Variants in ABCC11 observed in about 807,000 individuals in gnomAD.
ABCC11 encodes the protein ATP binding cassette subfamily C member 11, also known as ATP-binding cassette sub-family C member 11.
A neutral mutation model predicts 149.3 loss-of-function variants in ABCC11; 135 were observed. That is an observed-to-expected ratio of 0.90 (90% confidence interval 0.79 to 1.04). The LOEUF (loss-of-function observed/expected upper bound fraction) is 1.04. ABCC11 is among the 50% of genes least tolerant of loss of function. The pLI is 0.00. For missense variants in ABCC11, 1,680 were observed against 1,722.1 expected, an observed-to-expected ratio of 0.98 and a Z score of 0.43; for synonymous variants, 665 against 671.4, an observed-to-expected ratio of 0.99 and a Z score of 0.15.
intron 28 of ABCC11, among the ~76,000 whole-genome samples, chr16:48,168,953 A>T (rs997934160): frequency 1.3e-5 from 2 of 152,130 alleles, no homozygotes; most frequent in Non-Finnish European, 2.9e-5. Context: ...GGGTCTTAAA[A>T]CCTAGATGAT....
At chr16:48,235,872 T>C (rs931004042) in intron 1 of ABCC11, among the ~76,000 whole-genome samples, 1 of 152,170 alleles carries the variant, frequency 6.6e-6, no homozygotes, top group Non-Finnish European at 1.5e-5. Context: ...TTGCGTATGG[T>C]GAAACAGACT....
At chr16:48,181,886 T>C (rs950002060) in intron 23 of ABCC11, among the ~76,000 whole-genome samples, 2 of 152,238 alleles carry the variant, frequency 1.3e-5, no homozygotes, top group African/African-American at 4.8e-5. Flanking sequence ...GTGCTGGGAT[T>C]ACAGGCGTGA....
intron 23 of ABCC11, 124 bp downstream of exon 23, chr16:48,184,316 A>G (rs1412630593): frequency 3.3e-6 from 4 of 1,195,542 alleles, no homozygotes; most frequent in Admixed American, 2.5e-5. Context: ...ATAGCTCCTA[A>G]GATCACACGT....
chr16:48,230,135 G>T (rs1485715100), intron 3 of ABCC11, among the ~76,000 whole-genome samples: 1 of 152,138 alleles, frequency 6.6e-6, no homozygotes, highest in African/African-American at 2.4e-5. Context: ...TTTGCTTATT[G>T]TCTTTCTCTC....
chr16:48,192,456 TA>T, intron 20 of ABCC11, 63 bp downstream of exon 20: 1 of 1,530,624 alleles, frequency 6.5e-7, no homozygotes, highest in Non-Finnish European at 8.9e-7. Flanking sequence ...AATAAAAAAA[TA>T]AAAATGAAGC....
At chr16:48,187,995 C>T (rs537161050) in intron 20 of ABCC11, among the ~76,000 whole-genome samples, 1 of 152,316 alleles carries the variant, frequency 6.6e-6, no homozygotes, top group Admixed American at 6.5e-5. Context: ...CCCATGGCAA[C>T]ACCCAGGAGT....
intron 1 of ABCC11, among the ~76,000 whole-genome samples, chr16:48,237,343 G>A (rs1970738573): frequency 6.6e-6 from 1 of 152,128 alleles, no homozygotes; most frequent in African/African-American, 2.4e-5. Context: ...CTCTCTCCAG[G>A]CCCTGGTGGC....
chr16:48,173,677 T>C (rs193097807), intron 26 of ABCC11, among the ~76,000 whole-genome samples: 23 of 152,212 alleles, frequency 1.5e-4, no homozygotes, highest in South Asian at 2.1e-4. Flanking sequence ...CAGGCTGGAG[T>C]GCAGTAGCAC....
At chr16:48,173,835 G>A (rs919476585) in intron 26 of ABCC11, among the ~76,000 whole-genome samples, 1 of 152,206 alleles carries the variant, frequency 6.6e-6, no homozygotes, top group Non-Finnish European at 1.5e-5. Flanking sequence ...ATGTTGGCCA[G>A]GCTGGTCTCA....
At chr16:48,178,529 G>A (rs1596672967) in intron 24 of ABCC11, 68 bp downstream of exon 24, 1 of 1,486,754 alleles carries the variant, frequency 6.7e-7, no homozygotes, top group East Asian at 2.3e-5. Context: ...AGTGGGGCTT[G>A]TAGAGGTCAC....
chr16:48,246,856 G>C (rs1486973408), intron 1 of ABCC11, among the ~76,000 whole-genome samples: 1 of 152,040 alleles, frequency 6.6e-6, no homozygotes, highest in Non-Finnish European at 1.5e-5. Flanking sequence ...CTATAGGCAA[G>C]CGCCACCATA....
At chr16:48,221,772 C>T (rs1483663943) in intron 6 of ABCC11, among the ~76,000 whole-genome samples, 2 of 152,108 alleles carry the variant, frequency 1.3e-5, no homozygotes, top group East Asian at 1.9e-4. Context: ...GACAGGGTCT[C>T]GCTCCATCAC....
Position 48,213,429 on chromosome 16 carries a change from C to A in ABCC11, c.1356+14G>T. 6.2e-7 allele frequency: 1 copy of A among 1,605,980 alleles called. No homozygotes were observed. Among genetic ancestry groups the A allele is most frequent in the Non-Finnish European group, 8.5e-7 (1 of 1,175,146 alleles). ...CCAAGCAGGGGGCCTACAGCCAGTC[C>A]CCTGATGACCTACCTTGAACCTCAT... On this transcript the variant is annotated intron_variant, in intron 10 of 29. Transcript: ENST00000356608.
intron 24 of ABCC11, among the ~76,000 whole-genome samples, chr16:48,177,645 C>A (rs1256839103): frequency 6.6e-6 from 1 of 152,232 alleles, no homozygotes; most frequent in Non-Finnish European, 1.5e-5. Context: ...CTGCCTAACG[C>A]CGAGCCCACT....
At position 48,191,885 on chromosome 16, in the gene ABCC11, C is replaced by T. The variant is rs570167972; in HGVS notation, c.2706+635G>A. Among the ~76,000 whole-genome samples the T allele has an allele frequency of 2.2e-4, 33 of 152,128 alleles. No individual in the cohort carries two copies. In the East Asian group the frequency reaches 5.6e-3, roughly 26 times the overall value. On this transcript the variant is annotated intron_variant, in intron 20 of 29. Transcript: ENST00000356608. ...AGGAGATATACCTAATGTTAAATGA[C>T]GAGTTACTGGGTGCAGCACACCAAC...
At position 48,192,728 on chromosome 16, in the gene ABCC11, G is replaced by T. The variant is rs764214049; in HGVS notation, c.2509-11C>A. 1.2e-6 allele frequency: 2 copies of T among 1,613,848 alleles called. No homozygotes were observed. The highest frequency in any genetic ancestry group is 2.7e-5 in the African/African-American group (2 of 74,950). The stretch of plus-strand genomic sequence containing the variant: ...TCGGCTGCTATTGGTCTTCAAGAAA[G>T]AACAGGGGGTCTGACTGCAGGTGTC... On this transcript the variant is annotated splice_polypyrimidine_tract_variant and intron_variant, in intron 19 of 29. Coordinates refer to ENST00000356608, the MANE Select transcript of ABCC11 (RefSeq NM_001370497.1).
intron 6 of ABCC11, among the ~76,000 whole-genome samples, chr16:48,216,569 G>T (rs144808981): frequency 7.9e-5 from 12 of 152,306 alleles, no homozygotes; most frequent in African/African-American, 2.9e-4. Context: ...GAAAGTGTCT[G>T]CACACATAGA....
chr16:48,186,301 C>G (rs1407705343), intron 22 of ABCC11, among the ~76,000 whole-genome samples: 1 of 152,228 alleles, frequency 6.6e-6, no homozygotes, highest in Non-Finnish European at 1.5e-5. Context: ...CACCTCCTTC[C>G]CCTCTGAATT....
intron 1 of ABCC11, among the ~76,000 whole-genome samples, chr16:48,236,979 T>C (rs922262005): frequency 1.3e-5 from 2 of 152,246 alleles, no homozygotes; most frequent in Non-Finnish European, 2.9e-5. Context: ...ATTTATATCC[T>C]ACTGCTCAAG....
Sources: allele counts gnomAD v4.1 joint callset (sites outside exome capture counted in the v4.1 genomes callset), GRCh38; gene constraint gnomAD v4.1.1; transcripts MANE v1.5; gene names NCBI Gene and HGNC (gene_info 2026-07-23, HGNC 2026-07-21).